Variants in ATXN1 observed in about 807,000 individuals in gnomAD.
ATXN1 encodes the protein ataxin 1.
A neutral mutation model predicts 56.4 loss-of-function variants in ATXN1; 8 were observed. That is an observed-to-expected ratio of 0.14 (90% confidence interval 0.08 to 0.26). The LOEUF (loss-of-function observed/expected upper bound fraction) is 0.26, where lower values mean the gene tolerates loss of function less well. ATXN1 is among the 10% of genes least tolerant of loss of function. The pLI is 1.00. For missense variants in ATXN1, 987 were observed against 1,106.5 expected (o/e 0.89, Z 1.53); for synonymous variants, 514 against 494.6 (o/e 1.04, Z -0.52).
At chr6:16,422,865 T>C (rs974277672) in intron 6 of ATXN1, among the ~76,000 whole-genome samples, 1 of 152,208 alleles carries the variant, frequency 6.6e-6, no homozygotes, top group Non-Finnish European at 1.5e-5. Context: ...GTGGTCTAAT[T>C]TCAGTTCTTT....
chr6:16,347,470 G>A (rs1299097430), intron 6 of ATXN1, among the ~76,000 whole-genome samples: 1 of 151,962 alleles, frequency 6.6e-6, no homozygotes, highest in Non-Finnish European at 1.5e-5. Flanking sequence ...ACTCTGGTGG[G>A]GACTTGGAGA....
At chr6:16,607,046 C>G (rs960370796) in intron 3 of ATXN1, among the ~76,000 whole-genome samples, 2 of 151,768 alleles carry the variant, frequency 1.3e-5, no homozygotes, top group African/African-American at 4.8e-5. Flanking sequence ...GCCAACATGC[C>G]CAGCTAATGT....
Position 16,370,524 on chromosome 6 carries a change from GC to G in ATXN1, c.-160-42055del, listed in dbSNP as rs554057836. On this transcript the variant is annotated intron_variant, in intron 6 of 7. Transcript: ENST00000436367. Reference sequence around the variant, plus strand: ...TAATGTACAATGCACAACTAAGATAGCTTTTTTCTGATATAAAAATAAAGTG... The same window carrying G: ...TAATGTACAATGCACAACTAAGATAGTTTTTTCTGATATAAAAATAAAGTG... Among the ~76,000 whole-genome samples, 101 of 152,244 alleles carry G rather than the reference GC, an allele frequency of 6.6e-4. 1 individual carries two copies. The highest frequency in any genetic ancestry group is 2.2e-3 in the African/African-American group (92 of 41,556).
intron 6 of ATXN1, among the ~76,000 whole-genome samples, chr6:16,423,718 G>A (rs1042073115): frequency 2.0e-5 from 3 of 152,162 alleles, no homozygotes; most frequent in African/African-American, 7.2e-5. Flanking sequence ...GAAGCTTTGT[G>A]AGTGGACAGA....
At chr6:16,749,695 A>G (rs1310776327) in intron 2 of ATXN1, among the ~76,000 whole-genome samples, 1 of 152,100 alleles carries the variant, frequency 6.6e-6, no homozygotes, top group Non-Finnish European at 1.5e-5. Context: ...ATCAATGTTG[A>G]AGCTACTCTC....
intron 6 of ATXN1, among the ~76,000 whole-genome samples, chr6:16,388,414 T>C (rs1231553226): frequency 2.0e-5 from 3 of 152,198 alleles, no homozygotes; most frequent in Admixed American, 1.3e-4. Flanking sequence ...TTTCTCTGAG[T>C]AGCACTAGAT....
chr6:16,550,155 CAAAAAAAAAA>C (rs70999336), intron 4 of ATXN1, among the ~76,000 whole-genome samples: 6 of 91,196 alleles, frequency 6.6e-5, no homozygotes, highest in Admixed American at 1.0e-4. Flanking sequence ...AAATAAAATA[CAAAAAAAAAA>C]AAAAAAAAAG....
intron 4 of ATXN1, among the ~76,000 whole-genome samples, chr6:16,541,894 A>C (rs1761722428): frequency 6.6e-6 from 1 of 152,202 alleles, no homozygotes; most frequent in South Asian, 2.1e-4. Context: ...GCCCCTGAGC[A>C]CCCAAAACTC....
chr6:16,376,211 G>C (rs1446355206), intron 6 of ATXN1, among the ~76,000 whole-genome samples: 2 of 152,082 alleles, frequency 1.3e-5, no homozygotes, highest in Admixed American at 6.6e-5. Flanking sequence ...TGCTTCATTA[G>C]GAAAAAAGCC....
intron 2 of ATXN1, among the ~76,000 whole-genome samples, chr6:16,705,556 AC>A (rs1444283430): frequency 6.6e-6 from 1 of 151,358 alleles, no homozygotes; most frequent in South Asian, 2.1e-4. Flanking sequence ...ACCAGACACT[AC>A]CCCCCTCTCA....
chr6:16,509,097 G>A (rs1453961198), intron 5 of ATXN1, among the ~76,000 whole-genome samples: 3 of 152,090 alleles, frequency 2.0e-5, no homozygotes, highest in Non-Finnish European at 4.4e-5. Context: ...ATTACCAGGA[G>A]GGAGGGGGAA....
At chr6:16,737,421 G>GT (rs1311062597) in intron 2 of ATXN1, 2 of 152,230 alleles carry the variant, frequency 1.3e-5, no homozygotes, top group Non-Finnish European at 2.9e-5. Context: ...GCTGTAGGGT[G>GT]TATGAAGAAC....
intron 6 of ATXN1, among the ~76,000 whole-genome samples, chr6:16,390,743 A>G (rs1343125329): frequency 6.6e-6 from 1 of 152,114 alleles, no homozygotes; most frequent in Non-Finnish European, 1.5e-5. Flanking sequence ...AACAGCAGAG[A>G]GTACACCAGA....
At chr6:16,416,491 C>T (rs1295724150) in intron 6 of ATXN1, among the ~76,000 whole-genome samples, 2 of 152,162 alleles carry the variant, frequency 1.3e-5, no homozygotes, top group African/African-American at 2.4e-5. Flanking sequence ...ACAATACCTG[C>T]CTTACAGGGC....
chr6:16,464,259 A>G (rs910993654), intron 6 of ATXN1, among the ~76,000 whole-genome samples: 3 of 152,200 alleles, frequency 2.0e-5, no homozygotes, highest in Non-Finnish European at 4.4e-5. Context: ...AAATGCACCA[A>G]TAAGTGCTCT....
chr6:16,550,965 T>C (rs968379469), intron 4 of ATXN1, among the ~76,000 whole-genome samples: 1 of 152,208 alleles, frequency 6.6e-6, no homozygotes, highest in Non-Finnish European at 1.5e-5. Context: ...TTATGCAACT[T>C]GCCTAAATAA....
At chr6:16,590,242 T>C (rs1762699496) in intron 3 of ATXN1, among the ~76,000 whole-genome samples, 1 of 152,240 alleles carries the variant, frequency 6.6e-6, no homozygotes. Context: ...GTCTATTAGA[T>C]GCTATTCTAA....
Position 16,657,786 on chromosome 6 carries a change from T to C in ATXN1, c.-499A>G, listed in dbSNP as rs1208920066. 1 of 152,198 alleles carries C rather than the reference T, an allele frequency of 6.6e-6. No individual in the cohort carries two copies. The highest frequency in any genetic ancestry group is 2.4e-5 in the African/African-American group (1 of 41,454). The allele number at this position is 152,198 out of a possible 1,614,324, so 9.4% of individuals were successfully genotyped here. On this transcript the variant is annotated 5_prime_UTR_variant, in exon 3 of 8. Coordinates refer to ENST00000436367, the MANE Select transcript of ATXN1 (RefSeq NM_001128164.2). ...TTTTGGATGACTTACCAAAAACCATTTGTGTTTCAAGACCATCCGTGCAGG... is the reference window on the plus strand; with the variant it reads ...TTTTGGATGACTTACCAAAAACCATCTGTGTTTCAAGACCATCCGTGCAGG...
chr6:16,545,730 T>C (rs1761803356), intron 4 of ATXN1, among the ~76,000 whole-genome samples: 1 of 152,188 alleles, frequency 6.6e-6, no homozygotes, highest in Non-Finnish European at 1.5e-5. Context: ...CTGCATTTTG[T>C]TTAATGGAAC....
Sources: gnomAD v4.1 joint callset for allele counts (sites outside exome capture counted in the v4.1 genomes callset) on GRCh38, gnomAD v4.1.1 for gene constraint, MANE v1.5 for transcripts, NCBI Gene and HGNC (gene_info 2026-07-23, HGNC 2026-07-21) for gene names.